Variants in CNTN5 observed in about 807,000 individuals in gnomAD.
The protein encoded by CNTN5 is contactin 5.
In CNTN5, 77 loss-of-function variants were observed where a neutral mutation model predicts 129.1. The ratio of observed to expected loss-of-function variants is 0.60; its 90% CI spans 0.50 to 0.72. The LOEUF is 0.72. Among genes scored for constraint, CNTN5 ranks in the 30% least tolerant of loss-of-function variants. The pLI is 0.00. For synonymous variants in CNTN5, 509 were observed against 465.6 expected, an observed-to-expected ratio of 1.09 and a Z score of -1.20; for missense variants, 1,478 against 1,328.8, an observed-to-expected ratio of 1.11 and a Z score of -1.75.
In CNTN5 at chr11:99,309,074, A is replaced by T. The variant is rs3018462; in HGVS notation, c.-209-16272A>T. ...TTTCTGTTTCTTTAATATGCTAGTC[A>T]TAGTTATTTTGAAATTATTTTCTGC... On this transcript the variant is annotated intron_variant, in intron 1 of 24. Transcript: ENST00000524871. Among the ~76,000 whole-genome samples, 380 of 152,270 alleles carry T rather than the reference A, an allele frequency of 2.5e-3. 2 individuals carry two copies. The highest frequency in any genetic ancestry group is 8.7e-3 in the African/African-American group (362 of 41,580).
intron 8 of CNTN5, among the ~76,000 whole-genome samples, chr11:99,959,998 A>G (rs1001921914): frequency 6.6e-6 from 1 of 152,012 alleles, no homozygotes; most frequent in African/African-American, 2.4e-5. Flanking sequence ...AACCCACAAA[A>G]TCCTACTCAC....
intron 2 of CNTN5, among the ~76,000 whole-genome samples, chr11:99,530,911 C>A (rs950768752): frequency 2.0e-5 from 3 of 152,162 alleles, no homozygotes; most frequent in African/African-American, 7.2e-5. Flanking sequence ...TTGGGCATGT[C>A]TTTATCAGCA....
rs183692525 is a variant in CNTN5 at position 99,759,986 on chromosome 11, C to T, written c.56-59558C>T. Among the ~76,000 whole-genome samples the T allele has an allele frequency of 6.1e-3, 922 of 152,092 alleles. 4 individuals are homozygous for T. The highest frequency in any genetic ancestry group is 0.01 in the Non-Finnish European group (684 of 67,970). ...AGTGAAATGATACTTCAGTTTCAGACACACAGAGTTTGAGATGACAGTGAA... is the reference window on the plus strand; with the variant it reads ...AGTGAAATGATACTTCAGTTTCAGATACACAGAGTTTGAGATGACAGTGAA... On this transcript the variant is annotated intron_variant, in intron 3 of 24. Coordinates refer to ENST00000524871, the MANE Select transcript of CNTN5 (RefSeq NM_014361.4).
At chr11:99,840,719 G>T (rs1353061097) in intron 4 of CNTN5, among the ~76,000 whole-genome samples, 1 of 152,022 alleles carries the variant, frequency 6.6e-6, no homozygotes, top group African/African-American at 2.4e-5. Flanking sequence ...ATGTGTCGAA[G>T]GCTTCTACTT....
intron 1 of CNTN5, among the ~76,000 whole-genome samples, chr11:99,152,404 C>T (rs575453473): frequency 6.6e-6 from 1 of 152,164 alleles, no homozygotes; most frequent in Non-Finnish European, 1.5e-5. Context: ...TAACACCCTT[C>T]TTTGTCTTTT....
At chr11:100,187,119 TTACA>T (rs1485773339) in intron 13 of CNTN5, among the ~76,000 whole-genome samples, 45 of 152,186 alleles carry the variant, frequency 3.0e-4, no homozygotes, top group Non-Finnish European at 5.4e-4. Flanking sequence ...ACCTCCTTAG[TTACA>T]TATAGTCCTA....
chr11:99,728,487 G>T (rs544019006), intron 3 of CNTN5, among the ~76,000 whole-genome samples: 2 of 152,242 alleles, frequency 1.3e-5, no homozygotes, highest in African/African-American at 4.8e-5. Context: ...TATACTCAAT[G>T]TTTCTAAATT....
intron 1 of CNTN5, among the ~76,000 whole-genome samples, chr11:99,032,599 C>G (rs1237784860): frequency 6.6e-6 from 1 of 152,128 alleles, no homozygotes; most frequent in African/African-American, 2.4e-5. Flanking sequence ...CCTTCACCCA[C>G]TTTTTGATGG....
chr11:99,431,090 A>C (rs577387169), intron 2 of CNTN5, among the ~76,000 whole-genome samples: 13 of 151,054 alleles, frequency 8.6e-5, no homozygotes, highest in Non-Finnish European at 1.6e-4. Context: ...CGGAACTCTC[A>C]TTCGGATTTG....
intron 3 of CNTN5, among the ~76,000 whole-genome samples, chr11:99,789,078 CA>C (rs1005455683): frequency 7.3e-5 from 11 of 150,338 alleles, no homozygotes; most frequent in East Asian, 3.9e-4. Context: ...AAGAAACAAA[CA>C]AAAAAAAATT....
At chr11:99,912,187 G>T (rs756089872) in intron 6 of CNTN5, among the ~76,000 whole-genome samples, 2 of 151,820 alleles carry the variant, frequency 1.3e-5, no homozygotes, top group Non-Finnish European at 2.9e-5. Flanking sequence ...GGAGGGAAAG[G>T]GAAGAAAAAA....
intron 3 of CNTN5, among the ~76,000 whole-genome samples, chr11:99,695,667 G>T (rs536356869): frequency 2.0e-4 from 31 of 151,910 alleles, no homozygotes; most frequent in African/African-American, 7.5e-4. Context: ...GTGAGAGGAG[G>T]TTTGAGACCA....
At chr11:99,462,642 C>G (rs1413888944) in intron 2 of CNTN5, among the ~76,000 whole-genome samples, 1 of 152,114 alleles carries the variant, frequency 6.6e-6, no homozygotes, top group Non-Finnish European at 1.5e-5. Flanking sequence ...TTAACATCCT[C>G]CAAAAGAGTC....
intron 2 of CNTN5, among the ~76,000 whole-genome samples, chr11:99,542,071 T>C (rs1217041590): frequency 1.3e-5 from 2 of 152,108 alleles, no homozygotes; most frequent in African/African-American, 2.4e-5. Flanking sequence ...ATAATAATTG[T>C]ACGTATTTAT....
intron 7 of CNTN5, among the ~76,000 whole-genome samples, chr11:99,925,715 T>C (rs554403172): frequency 5.9e-5 from 9 of 152,072 alleles, no homozygotes; most frequent in African/African-American, 1.4e-4. Flanking sequence ...TTTTGTTTTG[T>C]GGGTTTTTTT....
intron 9 of CNTN5, among the ~76,000 whole-genome samples, chr11:100,003,320 C>G (rs1939993322): frequency 6.6e-6 from 1 of 152,010 alleles, no homozygotes. Context: ...CCTCCTAAAC[C>G]TAAAGATGTT....
At chr11:99,396,559 G>C (rs866258523) in intron 2 of CNTN5, among the ~76,000 whole-genome samples, 1 of 151,432 alleles carries the variant, frequency 6.6e-6, no homozygotes, top group Non-Finnish European at 1.5e-5. Flanking sequence ...TTGAAGTTAT[G>C]AGAAAAAAAG....
At chr11:99,301,719 A>G (rs1339892671) in intron 1 of CNTN5, among the ~76,000 whole-genome samples, 1 of 151,764 alleles carries the variant, frequency 6.6e-6, no homozygotes, top group Non-Finnish European at 1.5e-5. Context: ...GACATGTACA[A>G]TTCTATAAAC....
At position 99,889,329 on chromosome 11, in the gene CNTN5, TGTG is replaced by T. The variant is rs1948992339; in HGVS notation, c.578-26724_578-26722del. Among the ~76,000 whole-genome samples, 66 of 46,402 alleles carry T rather than the reference TGTG, an allele frequency of 1.4e-3. 2 individuals are homozygous for T. The highest frequency in any genetic ancestry group is 3.6e-3 in the African/African-American group (54 of 14,998). The allele number at this position is 46,402 out of a possible 152,430, so 30.4% of individuals were successfully genotyped here. On this transcript the variant is annotated intron_variant, in intron 6 of 24. Transcript: ENST00000524871. ...GTGTGTGTGTGTGTGTGTGTGTGTG[TGTG>T]TGTGTGTGTGTGTGTGTGTGTGTGT...
Sources: gnomAD v4.1 joint callset for allele counts (sites outside exome capture counted in the v4.1 genomes callset) on GRCh38, gnomAD v4.1.1 for gene constraint, MANE v1.5 for transcripts, NCBI Gene and HGNC (gene_info 2026-07-23, HGNC 2026-07-21) for gene names.